Variants in PEG3 observed in about 807,000 individuals in gnomAD.
PEG3 encodes the protein paternally-expressed gene 3 protein.
In PEG3, 23 loss-of-function variants were observed where a neutral mutation model predicts 35.5. The observed-to-expected ratio is 0.65, with a 90% CI of 0.47 to 0.92. The LOEUF is 0.92. Among genes scored for constraint, PEG3 ranks in the 40% least tolerant of loss-of-function variants. PEG3 has a pLI of 0.00. For missense variants in PEG3, 1,960 were observed against 1,985.3 expected, an observed-to-expected ratio of 0.99 and a Z score of 0.24; for synonymous variants, 707 against 697.0, an observed-to-expected ratio of 1.01 and a Z score of -0.23.
Position 56,813,722 on chromosome 19 carries a change from T to G in PEG3, c.4720A>C (p.Asn1574His). 1 of 1,614,124 alleles carries G rather than the reference T, an allele frequency of 6.2e-7. No homozygotes were observed. Among genetic ancestry groups the G allele is most frequent in the South Asian group, 1.1e-5 (1 of 91,080 alleles). ...FKCDVCGQLFNDRLSLARHQN... is the reference protein window; with the variant it reads ...FKCDVCGQLFHDRLSLARHQN... ...TGTCTGGCGAGGGACAGGCGGTCAT[T>G]GAAGAGCTGCCCACAGACGTCACAT... Residue 1574 changes from asparagine to histidine, a missense_variant, in exon 10 of 10, where the codon AAT becomes CAT. Coordinates refer to ENST00000326441, the MANE Select transcript of PEG3 (RefSeq NM_006210.3).
At chr19:56,820,349 T>C (rs911376298) in intron 7 of PEG3, among the ~76,000 whole-genome samples, 4 of 152,230 alleles carry the variant, frequency 2.6e-5, no homozygotes, top group Non-Finnish European at 5.9e-5. Flanking sequence ...ACTGAGTCAG[T>C]AGGAATCAGT....
intron 7 of PEG3, among the ~76,000 whole-genome samples, chr19:56,820,447 A>C (rs1446484303): frequency 6.6e-6 from 1 of 152,158 alleles, no homozygotes; most frequent in African/African-American, 2.4e-5. Flanking sequence ...AAAGCAAAAC[A>C]AGACAAAGCC....
chr19:56,837,132 G>A (rs10401240), intron 1 of PEG3, among the ~76,000 whole-genome samples: 3 of 152,108 alleles, frequency 2.0e-5, no homozygotes, highest in African/African-American at 7.2e-5. Context: ...CTCCGTAGGA[G>A]AGCTAGGGCT....
rs1360328771 is a variant in PEG3, at chr19:56,815,090, C to G, written c.3352G>C (p.Asp1118His). The part of the protein sequence containing the change: ...ECEDCGLGFV[D>H]LTDLTDHQKV... ...TGATGGTCTGTGAGGTCTGTGAGAT[C>G]CACAAAGCCCAGGCCACAGTCCTCA... The change falls in exon 10 of 10, where the codon GAT (aspartate) becomes CAT (histidine). Residue 1118 changes from aspartate (D) to histidine (H), a missense_variant. By Grantham distance (81) the Asp-to-His change is moderately conservative. This residue lies in a region of PEG3 where 124 missense variants were observed against 179.6 expected (regional missense o/e 0.69). Transcript: ENST00000326441. The G allele has an allele frequency of 6.2e-7, 1 of 1,613,560 alleles. No homozygotes were observed. Among genetic ancestry groups the G allele is most frequent in the Admixed American group, 1.7e-5 (1 of 59,998 alleles).
rs201189992 is a variant in PEG3, at chr19:56,816,867, C to A, written c.1575G>T (p.Lys525Asn). 3 of 1,614,150 alleles carry A rather than the reference C, an allele frequency of 1.9e-6. No homozygotes were observed. The highest frequency in any genetic ancestry group is 2.5e-6 in the Non-Finnish European group (3 of 1,179,980). ...CCACAAGATAACCTCTAGCATGAAT[C>A]TTCCGATGTTCAGCCAAGGCGGCAC... is the stretch of plus-strand genomic sequence containing the variant. ...NKSAALAEHR[K>N]IHARGYLVEC... The change falls in exon 10 of 10, where the codon AAG (lysine) becomes AAT (asparagine). Residue 525 changes from lysine to asparagine, a missense_variant. This residue lies in a region of PEG3 where 798 missense variants were observed against 782.4 expected (regional missense o/e 1.02). Transcript: ENST00000326441.
chr19:56,826,714 C>T lies in PEG3; in HGVS notation c.-162-251G>A, dbSNP rs202195955. On this transcript the variant is annotated intron_variant, in intron 2 of 9. Transcript: ENST00000326441. Reference sequence around the variant, plus strand: ...GCAAGACAAAGATATCACTAAGAAACCACGAACCAAAACTCATGAAAGCAG... The same window carrying T: ...GCAAGACAAAGATATCACTAAGAAATCACGAACCAAAACTCATGAAAGCAG... Among the ~76,000 whole-genome samples, 15 of 152,302 alleles carry T rather than the reference C, an allele frequency of 9.8e-5. No individual in the cohort carries two copies. The East Asian group carries it at 2.3e-3, about 23-fold the overall frequency.
chr19:56,836,695 G>A (rs368615207), intron 1 of PEG3, among the ~76,000 whole-genome samples: 2 of 152,066 alleles, frequency 1.3e-5, no homozygotes, highest in African/African-American at 4.8e-5. Flanking sequence ...AAGGATGGGC[G>A]CAGTGACTCG....
In PEG3 at chr19:56,816,195, C is replaced by A. The variant is rs770435859; in HGVS notation, c.2247G>T (p.Ala749=). 6.2e-7 allele frequency: 1 copy of A among 1,614,138 alleles called. No individual in the cohort carries two copies. The highest frequency in any genetic ancestry group is 1.1e-5 in the South Asian group (1 of 91,074). The change falls in exon 10 of 10, where the codon GCG becomes GCT. Residue 749 remains alanine, a synonymous_variant. Transcript: ENST00000326441. The part of the protein sequence containing the change: ...RPLESDEDEK[A]FTISSNPYEN... ...CATAGGGGTTAGAGCTAATGGTGAACGCCTTTTCGTCCTCATCACTTTCAA... is the reference window on the plus strand; with the variant it reads ...CATAGGGGTTAGAGCTAATGGTGAAAGCCTTTTCGTCCTCATCACTTTCAA...
intron 3 of PEG3, among the ~76,000 whole-genome samples, chr19:56,825,567 C>CT (rs5828698): frequency 0.68 from 103,021 of 151,762 alleles, 37,306 homozygotes; most frequent in South Asian, 0.84. Context: ...TCAATCTCTC[C>CT]TTTTTTTTAT....
intron 2 of PEG3, among the ~76,000 whole-genome samples, chr19:56,834,845 C>T (rs566596353): frequency 3.5e-4 from 54 of 152,272 alleles, no homozygotes; most frequent in Non-Finnish European, 5.7e-4. Flanking sequence ...AGTTTCCATT[C>T]AGTAGACACT....
intron 2 of PEG3, among the ~76,000 whole-genome samples, chr19:56,827,975 T>C (rs531734434): frequency 2.6e-3 from 399 of 152,344 alleles, no homozygotes; most frequent in African/African-American, 9.0e-3. Context: ...TACTTTTTCA[T>C]TGTATATTCT....
At chr19:56,826,827 C>T (rs1262793456) in intron 2 of PEG3, among the ~76,000 whole-genome samples, 1 of 152,124 alleles carries the variant, frequency 6.6e-6, no homozygotes, top group Non-Finnish European at 1.5e-5. Flanking sequence ...ACATCTGAGG[C>T]ACAGAGAGAT....
chr19:56,826,678 A>C (rs1171790234), intron 2 of PEG3, among the ~76,000 whole-genome samples: 1 of 152,204 alleles, frequency 6.6e-6, no homozygotes, highest in Non-Finnish European at 1.5e-5. Flanking sequence ...AAACCAGAAC[A>C]AGTCAAAAAC....
In PEG3 at chr19:56,813,926, C is replaced by G. The variant is rs368209554; in HGVS notation, c.4516G>C (p.Asp1506His). ...QEIQVEEPYY[D>H]CHECTETFTS... ...AAGGTTTCTGTGCATTCATGGCAGTCATAGTATGGTTCTTCTACCTGAATC... is the reference window on the plus strand; with the variant it reads ...AAGGTTTCTGTGCATTCATGGCAGTGATAGTATGGTTCTTCTACCTGAATC... The change falls in exon 10 of 10, where the codon GAC (aspartate) becomes CAC (histidine). Residue 1506 changes from aspartate to histidine, a missense_variant. Transcript: ENST00000326441. 1 of 1,614,198 alleles carries G rather than the reference C, an allele frequency of 6.2e-7. No homozygotes were observed. Among genetic ancestry groups the G allele is most frequent in the East Asian group, 2.2e-5 (1 of 44,878 alleles).
intron 1 of PEG3, among the ~76,000 whole-genome samples, chr19:56,837,653 C>T (rs140970683): frequency 1.3e-5 from 2 of 152,362 alleles, no homozygotes; most frequent in Non-Finnish European, 2.9e-5. Flanking sequence ...CACGCCAGTG[C>T]AGCCCGCGGT....
chr19:56,835,443 C>A (rs2061995358), intron 2 of PEG3, among the ~76,000 whole-genome samples: 1 of 152,200 alleles, frequency 6.6e-6, no homozygotes, highest in Non-Finnish European at 1.5e-5. Flanking sequence ...ATCCCCTCTG[C>A]TGAGACTACT....
intron 2 of PEG3, among the ~76,000 whole-genome samples, chr19:56,831,010 C>T (rs533075947): frequency 6.6e-6 from 1 of 152,152 alleles, no homozygotes; most frequent in South Asian, 2.1e-4. Flanking sequence ...TACATAAAGA[C>T]ACGTGTATCA....
Position 56,817,464 on chromosome 19 carries a change from G to A in PEG3, c.978C>T (p.Ser326=). 6.2e-7 allele frequency: 1 copy of A among 1,612,494 alleles called. No homozygotes were observed. Among genetic ancestry groups the A allele is most frequent in the Non-Finnish European group, 8.5e-7 (1 of 1,178,840 alleles). The change falls in exon 10 of 10, where the codon TCC becomes TCT. Residue 326 remains serine, a synonymous_variant. Coordinates refer to ENST00000326441, the MANE Select transcript of PEG3 (RefSeq NM_006210.3). ...EKFIKDVSRS[S]KSGRARESSD... is the part of the protein sequence containing the mutation. ...TTGACTCCCTTGCTCTTCCCGATTT[G>A]GAACTGCGTGACACATCCTTGATGA...
chr19:56,814,172 C>T lies in PEG3; in HGVS notation c.4270G>A (p.Gly1424Arg), dbSNP rs1215749606. 5 of 1,614,178 alleles carry T rather than the reference C, an allele frequency of 3.1e-6. No individual in the cohort carries two copies. Among genetic ancestry groups the T allele is most frequent in the Non-Finnish European group, 4.2e-6 (5 of 1,180,040 alleles). Residue 1424 changes from glycine (G) to arginine (R), a missense_variant, in exon 10 of 10, where the codon GGG becomes AGG. Around this residue, in one of 5 missense-constraint regions of PEG3, gnomAD observed 416 missense variants for 416.7 expected, o/e 1.00. Transcript: ENST00000326441. This position sits in a 1 kb window ranked among gnomAD's most constrained non-coding sequence, Gnocchi z 5.8. The stretch of plus-strand genomic sequence containing the variant: ...GGCTCTGCAGCCTCTCCATCTGGCC[C>T]TTCAGCCTCTCCGTTTGGCTCAGCA... ...EAAEPNGEAE[G>R]PDGEAAEPIG...
Sources: gnomAD v4.1 joint callset for allele counts (sites outside exome capture counted in the v4.1 genomes callset) on GRCh38, gnomAD v4.1.1 for gene constraint, gnomAD v4.1.1 regional missense constraint, Gnocchi (gnomAD v3.1) non-coding constraint, MANE v1.5 for transcripts, NCBI Gene and HGNC (gene_info 2026-07-23, HGNC 2026-07-21) for gene names.